CCN4: variants seen among roughly 807,000 people sequenced by gnomAD.
CCN4 encodes the protein CCN family member 4.
CCN4 carries 30 observed loss-of-function variants against 36.7 expected under a neutral mutation model. The ratio of observed to expected loss-of-function variants is 0.82; its 90% CI spans 0.61 to 1.11. CCN4 has a LOEUF of 1.11. Ranked by LOEUF, CCN4 falls within the 50% of genes least tolerant of loss-of-function variation. The probability of loss-of-function intolerance (pLI) is 0.00; values close to 1 mark genes in which losing one functional copy is unlikely to be tolerated. For synonymous variants in CCN4, 191 were observed against 195.4 expected, an observed-to-expected ratio of 0.98 and a Z score of 0.19; for missense variants, 505 against 504.9, an observed-to-expected ratio of 1.00 and a Z score of 0.00.
chr8:133,210,582 G>A (rs981635359), intron 1 of CCN4, among the ~76,000 whole-genome samples: 17 of 152,086 alleles, frequency 1.1e-4, no homozygotes, highest in African/African-American at 3.1e-4. Flanking sequence ...AGGCCACATC[G>A]CCCACAGAGC....
chr8:133,217,589 C>A (rs1854365419), intron 2 of CCN4, among the ~76,000 whole-genome samples: 1 of 152,132 alleles, frequency 6.6e-6, no homozygotes, highest in African/African-American at 2.4e-5. Flanking sequence ...CTGGTCAGAG[C>A]CAGTAGCAGC....
chr8:133,199,457 C>T (rs1853506580), intron 1 of CCN4, among the ~76,000 whole-genome samples: 1 of 152,084 alleles, frequency 6.6e-6, no homozygotes, highest in South Asian at 2.1e-4. Context: ...GTCACAGAGA[C>T]CTTAGGACTA....
In CCN4 at chr8:133,228,526, CTCTTCCTTGAA is replaced by C. The variant is rs1183853472; in HGVS notation, c.*822_*832del. 6.6e-6 allele frequency: 1 copy of C among 152,266 alleles called. No homozygotes were observed. Among genetic ancestry groups the C allele is most frequent in the East Asian group, 1.9e-4 (1 of 5,186 alleles). 9.4% of individuals were successfully genotyped at this position (152,266 alleles called of 1,614,324 possible). Reference sequence around the variant, plus strand: ...GCAGGGCTTTGGGCAGTTGGCCAGGCTCTTCCTTGAATCTTCTCCCTTGTCCTGCTTGGGGT... The same window carrying C: ...GCAGGGCTTTGGGCAGTTGGCCAGGCTCTTCTCCCTTGTCCTGCTTGGGGT... On this transcript the variant is annotated 3_prime_UTR_variant, in exon 5 of 5. Transcript: ENST00000250160.
At position 133,225,490 on chromosome 8, in the gene CCN4, G is replaced by T. The variant is rs763708830; in HGVS notation, c.711G>T (p.Arg237=). 1 of 1,614,086 alleles carries T rather than the reference G, an allele frequency of 6.2e-7. No individual in the cohort carries two copies. The highest frequency in any genetic ancestry group is 8.5e-7 in the Non-Finnish European group (1 of 1,180,000). Residue 237 remains arginine (R), a synonymous_variant, in exon 4 of 5, where the codon CGG becomes CGT. Transcript: ENST00000250160. ...GCTGCGGCCTGGGGGTCTCCACTCG[G>T]ATCTCCAATGTTAACGCCCAGTGCT... The part of the protein sequence containing the change: ...STSCGLGVST[R]ISNVNAQCWP...
At chr8:133,201,493 G>A (rs1853585444) in intron 1 of CCN4, among the ~76,000 whole-genome samples, 1 of 152,140 alleles carries the variant, frequency 6.6e-6, no homozygotes, top group African/African-American at 2.4e-5. Context: ...GAGACACACT[G>A]GAGAATTTCA....
intron 3 of CCN4, 91 bp downstream of exon 3, chr8:133,220,932 CCCCAGTCCACTA>C: frequency 6.8e-7 from 1 of 1,463,250 alleles, no homozygotes; most frequent in Non-Finnish European, 9.1e-7. Flanking sequence ...ATGACTCATT[CCCCAGTCCACTA>C]CCTACTAGCT....
intron 1 of CCN4, among the ~76,000 whole-genome samples, chr8:133,199,536 TAGAC>T (rs1221077635): frequency 2.6e-5 from 4 of 152,226 alleles, no homozygotes; most frequent in African/African-American, 7.2e-5. Context: ...GAGCCATAAT[TAGAC>T]AGGGAATATC....
chr8:133,224,041 G>T (rs946565783), intron 3 of CCN4, among the ~76,000 whole-genome samples: 3 of 107,796 alleles, frequency 2.8e-5, no homozygotes, highest in Admixed American at 2.6e-4. Context: ...GGACAGCCTG[G>T]GTGCTTTCAT....
At chr8:133,197,526 C>T (rs528089730) in intron 1 of CCN4, among the ~76,000 whole-genome samples, 5 of 152,158 alleles carry the variant, frequency 3.3e-5, no homozygotes, top group Admixed American at 1.3e-4. Flanking sequence ...TAGTCTCCCC[C>T]CCAGCTCTGA....
intron 2 of CCN4, among the ~76,000 whole-genome samples, chr8:133,215,253 C>T (rs73362534): frequency 0.052 from 7,894 of 152,202 alleles, 395 homozygotes; most frequent in East Asian, 0.32. Context: ...AGTCCTTTAA[C>T]AAGACTCCCA....
chr8:133,209,954 G>A (rs1490567724), intron 1 of CCN4, among the ~76,000 whole-genome samples: 3 of 152,156 alleles, frequency 2.0e-5, no homozygotes, highest in South Asian at 2.1e-4. Context: ...AAGGCCACAC[G>A]GAAAGAACGT....
chr8:133,209,768 G>A (rs1853927524), intron 1 of CCN4, among the ~76,000 whole-genome samples: 1 of 152,182 alleles, frequency 6.6e-6, no homozygotes, highest in African/African-American at 2.4e-5. Context: ...CAACCAAATG[G>A]GTGTAAGAGG....
chr8:133,194,887 GTA>G (rs1853310979), intron 1 of CCN4, among the ~76,000 whole-genome samples: 1 of 142,674 alleles, frequency 7.0e-6, no homozygotes, highest in South Asian at 2.4e-4. Flanking sequence ...TTTTGTGTGT[GTA>G]TGTGTGTGGT....
chr8:133,205,957 C>T (rs189038372), intron 1 of CCN4, among the ~76,000 whole-genome samples: 52 of 152,136 alleles, frequency 3.4e-4, no homozygotes, highest in African/African-American at 1.2e-3. Context: ...ATGGGTTTAT[C>T]GTTTTTATTT....
rs956395793 is a variant in CCN4 at position 133,231,055 on chromosome 8, C to T, written c.*3345C>T. 1.3e-5 allele frequency: 2 copies of T among 152,144 alleles called. No homozygotes were observed. Among genetic ancestry groups the T allele is most frequent in the Non-Finnish European group, 2.9e-5 (2 of 68,030 alleles). 9.4% of individuals were successfully genotyped at this position (152,144 alleles called of 1,614,324 possible). A position where few individuals can be genotyped will look rare whatever the true frequency, so the allele number is the denominator to read the frequency against. On this transcript the variant is annotated 3_prime_UTR_variant, in exon 5 of 5. Coordinates refer to ENST00000250160, the MANE Select transcript of CCN4 (RefSeq NM_003882.4). ...CAAAAGGCATGACCTTTATAAGAGGCGCTTTACTGACAATAGCTGCAATTT... is the reference window on the plus strand; with the variant it reads ...CAAAAGGCATGACCTTTATAAGAGGTGCTTTACTGACAATAGCTGCAATTT...
chr8:133,217,690 C>T (rs916056134), intron 2 of CCN4, among the ~76,000 whole-genome samples: 2 of 152,096 alleles, frequency 1.3e-5, no homozygotes, highest in Non-Finnish European at 2.9e-5. Flanking sequence ...ACAGGATTCA[C>T]CTGGGGAACT....
rs1162880176 is a variant in CCN4, at chr8:133,230,258, A to G, written c.*2548A>G. 1 of 152,260 alleles carries G rather than the reference A, an allele frequency of 6.6e-6. No homozygotes were observed. The highest frequency in any genetic ancestry group is 6.5e-5 in the Admixed American group (1 of 15,282). The allele number at this position is 152,260 out of a possible 1,614,324, so 9.4% of individuals were successfully genotyped here. A position where few individuals can be genotyped will look rare whatever the true frequency, so the allele number is the denominator to read the frequency against. On this transcript the variant is annotated 3_prime_UTR_variant, in exon 5 of 5. Transcript: ENST00000250160. ...GAGAAGGAAATTTGGATCCAATGTA[A>G]TGAAGCGCTTTCTAAGTCAGAATTT...
At position 133,220,590 on chromosome 8, in the gene CCN4, G is replaced by A. The variant is rs746182372; in HGVS notation, c.359G>A (p.Gly120Asp). The A allele has an allele frequency of 6.2e-7, 1 of 1,612,954 alleles. No homozygotes were observed. The highest frequency in any genetic ancestry group is 8.5e-7 in the Non-Finnish European group (1 of 1,179,030). Residue 120 changes from glycine (G) to aspartate (D), a missense_variant, in exon 3 of 5, where the codon GGT becomes GAT. Physicochemically the swap from Gly to Asp is moderately conservative, Grantham distance 94. Coordinates refer to ENST00000250160, the MANE Select transcript of CCN4 (RefSeq NM_003882.4). ...YAIGVCAQVV[G>D]VGCVLDGVRY... ...CCACCTGTGTTTGCAGAGGTGGTCG[G>A]TGTGGGCTGCGTCCTGGATGGGGTG...
chr8:133,198,895 C>T (rs1277811754), intron 1 of CCN4, among the ~76,000 whole-genome samples: 1 of 152,276 alleles, frequency 6.6e-6, no homozygotes, highest in Non-Finnish European at 1.5e-5. Context: ...CAGGCTTGCC[C>T]ATACATCTTC....
Sources: gnomAD v4.1 joint callset for allele counts (sites outside exome capture counted in the v4.1 genomes callset) on GRCh38, gnomAD v4.1.1 for gene constraint, MANE v1.5 for transcripts, NCBI Gene and HGNC (gene_info 2026-07-23, HGNC 2026-07-21) for gene names.